Variants in RPGRIP1 observed in about 807,000 individuals in gnomAD.
RPGRIP1 encodes the protein RPGR interacting protein 1, also known as X-linked retinitis pigmentosa GTPase regulator-interacting protein 1.
RPGRIP1 carries 128 observed loss-of-function variants against 157.9 expected under a neutral mutation model. The ratio of observed to expected loss-of-function variants is 0.81; its 90% CI spans 0.70 to 0.94. RPGRIP1 has a LOEUF of 0.94. Ranked by LOEUF, RPGRIP1 falls within the 40% of genes least tolerant of loss-of-function variation. The probability of loss-of-function intolerance (pLI) is 0.00; values close to 1 mark genes in which losing one functional copy is unlikely to be tolerated. For missense variants in RPGRIP1, 1,486 were observed against 1,545.8 expected, an observed-to-expected ratio of 0.96 and a Z score of 0.65; for synonymous variants, 554 against 571.6, an observed-to-expected ratio of 0.97 and a Z score of 0.44.
chr14:21,304,424 A>AAAGAAAGAAAGG (rs1491356339), intron 6 of RPGRIP1, among the ~76,000 whole-genome samples: 8 of 151,398 alleles, frequency 5.3e-5, no homozygotes, highest in South Asian at 2.1e-4. Flanking sequence ...AGAAAGAAAG[A>AAAGAAAGAAAGG]AAGAAAGAAA....
intron 5 of RPGRIP1, 134 bp downstream of exon 5, chr14:21,302,718 T>A: frequency 2.0e-6 from 1 of 495,548 alleles, no homozygotes; most frequent in Middle Eastern, 3.0e-4. Context: ...CGACCCTAGG[T>A]CAAATTCCAA....
rs756889126 is a variant in RPGRIP1 at position 21,321,991 on chromosome 14, C to T, written c.1749C>T (p.Asp583=). ...KQLEGILRSH[D]LPTSEQLKDV... Reference sequence around the variant, plus strand: ...TGGAAGGTATTTTAAGAAGCCATGACCTTCCAACATCTGGCAAGTCTTAGT... The same window carrying T: ...TGGAAGGTATTTTAAGAAGCCATGATCTTCCAACATCTGGCAAGTCTTAGT... Residue 583 remains aspartate (D), a synonymous_variant, in exon 14 of 25, where the codon GAC becomes GAT. Transcript: ENST00000400017. 1 of 1,612,622 alleles carries T rather than the reference C, an allele frequency of 6.2e-7. No individual in the cohort carries two copies. Among genetic ancestry groups the T allele is most frequent in the Non-Finnish European group, 8.5e-7 (1 of 1,179,412 alleles).
chr14:21,324,319 C>G, intron 14 of RPGRIP1: 1 of 450,632 alleles, frequency 2.2e-6, no homozygotes, highest in Non-Finnish European at 4.1e-6. Context: ...CGATGTACAC[C>G]AAAACAATGT....
At chr14:21,347,183 G>A (rs968545376) in intron 23 of RPGRIP1, among the ~76,000 whole-genome samples, 2 of 152,136 alleles carry the variant, frequency 1.3e-5, no homozygotes, top group African/African-American at 4.8e-5. Context: ...TTGCCAGTAT[G>A]GTCTAGCAGA....
intron 14 of RPGRIP1, 128 bp from the exon 15 acceptor site, chr14:21,324,490 G>A (rs1432478148): frequency 3.8e-6 from 3 of 783,062 alleles, no homozygotes; most frequent in South Asian, 1.5e-5. Context: ...TTTGAATCAC[G>A]TGGTTTCTTG....
intron 20 of RPGRIP1, among the ~76,000 whole-genome samples, chr14:21,331,633 C>T (rs1883804581): frequency 6.6e-6 from 1 of 151,782 alleles, no homozygotes; most frequent in Non-Finnish European, 1.5e-5. Flanking sequence ...CTACTTCTGA[C>T]AGTGGTCAGA....
At position 21,334,614 on chromosome 14, in the gene RPGRIP1, C is replaced by A. The variant is rs751421999; in HGVS notation, c.3248C>A (p.Ser1083Tyr). ...EPLHPVNDKE[S>Y]SEQGSEVSEA... Reference sequence around the variant, plus strand: ...ACCTCTTCTCTAGCAGACAAAGAATCCTCTGAACAAGGTTCTGAAGTCAGT... The same window carrying A: ...ACCTCTTCTCTAGCAGACAAAGAATACTCTGAACAAGGTTCTGAAGTCAGT... The change falls in exon 21 of 25, where the codon TCC (serine) becomes TAC (tyrosine). Residue 1083 changes from serine (S) to tyrosine (Y), a missense_variant. By Grantham distance (144) the Ser-to-Tyr change is moderately radical. Transcript: ENST00000400017. The A allele has an allele frequency of 6.2e-7, 1 of 1,605,066 alleles. No individual in the cohort carries two copies. Among genetic ancestry groups the A allele is most frequent in the Non-Finnish European group, 8.5e-7 (1 of 1,175,968 alleles).
At chr14:21,286,101 T>C (rs2139129771) in intron 1 of RPGRIP1, among the ~76,000 whole-genome samples, 1 of 152,194 alleles carries the variant, frequency 6.6e-6, no homozygotes. Flanking sequence ...GCAATTCTCC[T>C]GCCTCAGCCT....
At chr14:21,294,305 A>G (rs538155491) in intron 2 of RPGRIP1, among the ~76,000 whole-genome samples, 1 of 150,786 alleles carries the variant, frequency 6.6e-6, no homozygotes, top group South Asian at 2.1e-4. Context: ...ATCTCGGCTC[A>G]TGGCAACCTC....
chr14:21,307,674 A>C, intron 6 of RPGRIP1, 57 bp from the exon 7 acceptor site: 1 of 1,149,756 alleles, frequency 8.7e-7, no homozygotes, highest in African/African-American at 1.5e-5. Flanking sequence ...GTCAAGGAGA[A>C]AATGTCTTTA....
chr14:21,325,400 G>T lies in RPGRIP1; in HGVS notation c.2367+17G>T. 6.4e-7 allele frequency: 1 copy of T among 1,556,412 alleles called. No homozygotes were observed. Among genetic ancestry groups the T allele is most frequent in the Middle Eastern group, 1.7e-4 (1 of 5,844 alleles). The stretch of plus-strand genomic sequence containing the variant: ...GAAGAGGAGGTGAGAAAAAAGATGT[G>T]CCGAGGCATCTCAGAGGAGCCTCAG... On this transcript the variant is annotated intron_variant, in intron 16 of 24. Coordinates refer to ENST00000400017, the MANE Select transcript of RPGRIP1 (RefSeq NM_020366.4).
At chr14:21,329,269 A>T (rs1883459825) in intron 19 of RPGRIP1, among the ~76,000 whole-genome samples, 1 of 151,706 alleles carries the variant, frequency 6.6e-6, no homozygotes, top group African/African-American at 2.4e-5. Flanking sequence ...CAGTGAGCTG[A>T]GATCGTGCCA....
rs915384479 is a variant in RPGRIP1 at position 21,286,295 on chromosome 14, C to T, written c.-38-1644C>T. 7.9e-5 allele frequency among the ~76,000 whole-genome samples: 12 copies of T among 151,726 alleles called. 1 individual carries two copies. The highest frequency in any genetic ancestry group is 2.9e-4 in the African/African-American group (12 of 41,188). ...CATGAGCCACTGCACCTGGCTGATA[C>T]ATGTTTTAAAGGAAGAACCTGGAGA... On this transcript the variant is annotated intron_variant, in intron 1 of 24. Transcript: ENST00000400017.
At chr14:21,287,201 C>A (rs1027963212) in intron 1 of RPGRIP1, among the ~76,000 whole-genome samples, 5 of 152,204 alleles carry the variant, frequency 3.3e-5, no homozygotes, top group African/African-American at 7.2e-5. Context: ...AGTCCAAGAC[C>A]AGTTTTGCCA....
chr14:21,320,424 G>A (rs1448566409), intron 12 of RPGRIP1, among the ~76,000 whole-genome samples: 2 of 151,536 alleles, frequency 1.3e-5, no homozygotes, highest in Non-Finnish European at 2.9e-5. Context: ...CCGAGTAGCT[G>A]GGACTACAGG....
intron 1 of RPGRIP1, among the ~76,000 whole-genome samples, chr14:21,283,450 G>A (rs1048036451): frequency 5.3e-5 from 8 of 151,788 alleles, no homozygotes; most frequent in African/African-American, 1.9e-4. Context: ...CTACAGGCAT[G>A]AGCCACTACA....
chr14:21,324,239 T>C, intron 14 of RPGRIP1: 1 of 323,422 alleles, frequency 3.1e-6, no homozygotes, highest in Non-Finnish European at 5.9e-6. Context: ...TATACCAAAC[T>C]TGTAGAAATA....
intron 7 of RPGRIP1, 61 bp downstream of exon 7, chr14:21,307,897 TA>T: frequency 1.1e-6 from 1 of 879,666 alleles, no homozygotes; most frequent in African/African-American, 1.7e-5. Flanking sequence ...AAGAGATTCA[TA>T]TTATTTTCTC....
intron 21 of RPGRIP1, among the ~76,000 whole-genome samples, chr14:21,342,475 TC>T (rs1885110144): frequency 6.7e-6 from 1 of 149,760 alleles, no homozygotes; most frequent in Admixed American, 6.7e-5. Context: ...GATCAGGATG[TC>T]AAAGCTGCAG....
Sources: gnomAD v4.1 joint callset for allele counts (sites outside exome capture counted in the v4.1 genomes callset) on GRCh38, gnomAD v4.1.1 for gene constraint, MANE v1.5 for transcripts, NCBI Gene and HGNC (gene_info 2026-07-23, HGNC 2026-07-21) for gene names.